The following LOXHD1 variants were observed in gnomAD, a reference collection of about 807,000 sequenced individuals.
LOXHD1 encodes the protein lipoxygenase homology domain-containing protein 1.
A neutral mutation model predicts 248.2 loss-of-function variants in LOXHD1; 205 were observed. The ratio of observed to expected loss-of-function variants is 0.83; its 90% CI spans 0.74 to 0.93. The LOEUF is 0.93. Ranked by LOEUF, LOXHD1 falls within the 40% of genes least tolerant of loss-of-function variation. LOXHD1 has a pLI of 0.00. For missense variants in LOXHD1, 2,930 were observed against 2,971.6 expected (o/e 0.99, Z 0.33); for synonymous variants, 1,113 against 1,162.8 (o/e 0.96, Z 0.87).
At chr18:46,543,738 C>A (rs1245875355) in intron 23 of LOXHD1, among the ~76,000 whole-genome samples, 1 of 152,110 alleles carries the variant, frequency 6.6e-6, no homozygotes, top group Admixed American at 6.5e-5. Flanking sequence ...GAAAGAGATA[C>A]CTTACTCAAA....
chr18:46,652,968 C>T (rs563569341), intron 1 of LOXHD1, among the ~76,000 whole-genome samples: 20 of 152,298 alleles, frequency 1.3e-4, no homozygotes, highest in African/African-American at 4.1e-4. Context: ...AGTTCAAGAA[C>T]AGGCCAGGAG....
At chr18:46,491,949 C>T (rs546356835) in intron 37 of LOXHD1, among the ~76,000 whole-genome samples, 2 of 152,292 alleles carry the variant, frequency 1.3e-5, no homozygotes, top group South Asian at 4.1e-4. Flanking sequence ...ATTGTCTGAC[C>T]CCATCCACAA....
Position 46,593,729 on chromosome 18 carries a change from G to A in LOXHD1, c.1302C>T (p.Thr434=), listed in dbSNP as rs377086603. 4.8e-5 allele frequency: 75 copies of A among 1,551,878 alleles called. No individual in the cohort carries two copies. The highest frequency in any genetic ancestry group is 6.0e-5 in the Non-Finnish European group (69 of 1,147,068). ...KFPWSLWVWT[T]DLKKAGTNSP... ...AGTTGGTACCAGCTTTCTTTAGGTC[G>A]GTTGTCCAGACCCACAGGGACCAAG... The change falls in exon 10 of 41, where the codon ACC becomes ACT. Residue 434 remains threonine, a synonymous_variant. Transcript: ENST00000642948.
In LOXHD1 at chr18:46,542,741, C is replaced by T. The variant is rs2144370418; in HGVS notation, c.3734G>A (p.Gly1245Asp). The change falls in exon 24 of 41, where the codon GGC becomes GAC. Residue 1245 changes from glycine to aspartate, a missense_variant. Coordinates refer to ENST00000642948, the MANE Select transcript of LOXHD1 (RefSeq NM_001384474.1). ...DLGDLWKVRL[G>D]HDNTGKAPGW... Reference sequence around the variant, plus strand: ...GGAAGCCACACCTGTGTTGTCATGGCCAAGCCGGACTTTCCACAGGTCTCC... The same window carrying T: ...GGAAGCCACACCTGTGTTGTCATGGTCAAGCCGGACTTTCCACAGGTCTCC... The T allele has an allele frequency of 6.4e-7, 1 of 1,551,658 alleles. No individual in the cohort carries two copies. The highest frequency in any genetic ancestry group is 1.4e-5 in the African/African-American group (1 of 73,152).
chr18:46,601,093 A>G (rs2038329706), intron 8 of LOXHD1, 124 bp downstream of exon 8: 3 of 1,296,344 alleles, frequency 2.3e-6, no homozygotes, highest in African/African-American at 3.0e-5. Flanking sequence ...TGCCCAATGA[A>G]AGAGATTGCC....
chr18:46,653,174 G>A (rs2039134156), intron 1 of LOXHD1, among the ~76,000 whole-genome samples: 1 of 152,138 alleles, frequency 6.6e-6, no homozygotes, highest in Admixed American at 6.6e-5. Flanking sequence ...TTGAACCTGG[G>A]AGGCAGAGGT....
At chr18:46,482,691 C>T (rs571791681) in intron 40 of LOXHD1, among the ~76,000 whole-genome samples, 5 of 152,338 alleles carry the variant, frequency 3.3e-5, no homozygotes, top group Admixed American at 6.5e-5. Flanking sequence ...GGCCAGAGCC[C>T]ATAGCCGAGG....
At chr18:46,614,506 G>A (rs2038556651) in intron 5 of LOXHD1, among the ~76,000 whole-genome samples, 1 of 152,114 alleles carries the variant, frequency 6.6e-6, no homozygotes. Context: ...ACTCATAGGT[G>A]GGAATTGAAC....
At chr18:46,566,497 C>A in intron 16 of LOXHD1, 48 bp from the exon 17 acceptor site, 2 of 1,485,188 alleles carry the variant, frequency 1.3e-6, no homozygotes, top group East Asian at 2.5e-5. Flanking sequence ...TGTGTAGAAA[C>A]CTCCATGATC....
chr18:46,536,343 C>T (rs1360966248), intron 26 of LOXHD1, among the ~76,000 whole-genome samples: 1 of 151,998 alleles, frequency 6.6e-6, no homozygotes, highest in African/African-American at 2.4e-5. Context: ...TCCAGGGTTA[C>T]CGACTCCGCA....
intron 4 of LOXHD1, among the ~76,000 whole-genome samples, chr18:46,630,267 A>G (rs559233783): frequency 6.6e-6 from 1 of 152,362 alleles, no homozygotes; most frequent in Non-Finnish European, 1.5e-5. Flanking sequence ...GGCCTGTCTC[A>G]TGGCCAAGCT....
In LOXHD1 at chr18:46,557,505, G is replaced by A. The variant is rs372737564; in HGVS notation, c.3217-16C>T. 92 of 1,551,650 alleles carry A rather than the reference G, an allele frequency of 5.9e-5. No homozygotes were observed. The highest frequency in any genetic ancestry group is 7.5e-5 in the Non-Finnish European group (86 of 1,147,024). ...AGGTGTCTGTCTGGGAAGGGCCAGGGAACACTCAGTGGGGTAAGACCTACC... is the reference window on the plus strand; with the variant it reads ...AGGTGTCTGTCTGGGAAGGGCCAGGAAACACTCAGTGGGGTAAGACCTACC... On this transcript the variant is annotated splice_polypyrimidine_tract_variant and intron_variant, in intron 20 of 40. Transcript: ENST00000642948.
At chr18:46,527,346 C>T (rs574021953) in intron 29 of LOXHD1, among the ~76,000 whole-genome samples, 11 of 152,208 alleles carry the variant, frequency 7.2e-5, no homozygotes, top group Non-Finnish European at 1.2e-4. Flanking sequence ...CAACACCAGG[C>T]GTCAACTAGG....
chr18:46,631,158 T>C (rs2038815699), intron 4 of LOXHD1, among the ~76,000 whole-genome samples: 1 of 152,032 alleles, frequency 6.6e-6, no homozygotes. Context: ...GTAAAAGCCA[T>C]CACCAGGTAG....
chr18:46,490,666 G>T (rs1384476681), intron 37 of LOXHD1, among the ~76,000 whole-genome samples: 1 of 152,108 alleles, frequency 6.6e-6, no homozygotes, highest in Non-Finnish European at 1.5e-5. Context: ...TTAGGGACAG[G>T]GTTTCTCCAT....
intron 7 of LOXHD1, among the ~76,000 whole-genome samples, chr18:46,603,571 T>A (rs1249006726): frequency 3.3e-5 from 5 of 152,188 alleles, no homozygotes; most frequent in Non-Finnish European, 7.4e-5. Context: ...TCTGTGGAAT[T>A]CATACAGGTT....
At chr18:46,598,639 T>C (rs1402877668) in intron 8 of LOXHD1, among the ~76,000 whole-genome samples, 1 of 151,974 alleles carries the variant, frequency 6.6e-6, no homozygotes, top group Non-Finnish European at 1.5e-5. Flanking sequence ...GTCCGGAAAA[T>C]ACTTCTATTT....
chr18:46,485,324 C>G (rs962180580), intron 38 of LOXHD1, among the ~76,000 whole-genome samples, 173 bp from the exon 39 acceptor site: 1 of 151,712 alleles, frequency 6.6e-6, no homozygotes, highest in East Asian at 1.9e-4. Context: ...AGAATCTGCC[C>G]GGATTCTGGG....
At chr18:46,523,721 T>G (rs1174536724) in intron 31 of LOXHD1, among the ~76,000 whole-genome samples, 8 of 152,048 alleles carry the variant, frequency 5.3e-5, no homozygotes, top group African/African-American at 1.9e-4. Context: ...CCTTATTTTA[T>G]CTTTACAGGG....
Sources: allele counts gnomAD v4.1 joint callset (sites outside exome capture counted in the v4.1 genomes callset), GRCh38; gene constraint gnomAD v4.1.1; transcripts MANE v1.5; gene names NCBI Gene and HGNC (gene_info 2026-07-23, HGNC 2026-07-21).